The following NREP variants were observed in gnomAD, a reference collection of about 807,000 sequenced individuals.
NREP encodes neuronal regeneration related protein.
A neutral mutation model predicts 8.6 loss-of-function variants in NREP; 5 were observed. The observed-to-expected ratio is 0.58, with a 90% confidence interval of 0.30 to 1.22. The LOEUF is 1.22. Among genes scored for constraint, NREP ranks in the 50% most tolerant of loss-of-function variants. The pLI is 0.07. For synonymous variants in NREP, 27 were observed against 28.0 expected (o/e 0.96, Z 0.11); for missense variants, 86 against 82.5 (o/e 1.04, Z -0.17).
intron 2 of NREP, among the ~76,000 whole-genome samples, chr5:111,782,238 C>A (rs1392677980): frequency 6.6e-6 from 1 of 152,144 alleles, no homozygotes. Flanking sequence ...CCACATGTTC[C>A]TGGAATATCC....
At chr5:111,809,621 T>C (rs1422594654) in intron 2 of NREP, among the ~76,000 whole-genome samples, 2 of 152,156 alleles carry the variant, frequency 1.3e-5, no homozygotes, top group African/African-American at 2.4e-5. Context: ...TCTTCTCATG[T>C]ATCCACTTCC....
chr5:111,770,086 G>A (rs1192552726), intron 2 of NREP, among the ~76,000 whole-genome samples: 1 of 152,172 alleles, frequency 6.6e-6, no homozygotes, highest in African/African-American at 2.4e-5. Context: ...TATAAGATCA[G>A]AAAATTAGAC....
chr5:111,810,804 A>G (rs1415157066), intron 2 of NREP, among the ~76,000 whole-genome samples: 1 of 152,222 alleles, frequency 6.6e-6, no homozygotes, highest in Non-Finnish European at 1.5e-5. Context: ...TTTGGGGGGT[A>G]CAAAATAGTT....
At chr5:111,867,051 C>T (rs1314528016) in intron 2 of NREP, among the ~76,000 whole-genome samples, 4 of 151,356 alleles carry the variant, frequency 2.6e-5, no homozygotes, top group East Asian at 3.9e-4. Flanking sequence ...TGTTAAATGA[C>T]GAGTTACTGG....
chr5:111,832,274 T>G (rs1752787401), intron 2 of NREP, among the ~76,000 whole-genome samples: 1 of 151,984 alleles, frequency 6.6e-6, no homozygotes, highest in South Asian at 2.1e-4. Context: ...TCCTAGCACT[T>G]TGGGAGGCCG....
chr5:111,869,700 G>C (rs536601311), intron 2 of NREP, among the ~76,000 whole-genome samples: 61 of 152,194 alleles, frequency 4.0e-4, no homozygotes, highest in African/African-American at 1.5e-3. Context: ...TGCTTGGAAG[G>C]GATATATTTT....
At chr5:111,799,115 C>T (rs1751942320) in intron 2 of NREP, among the ~76,000 whole-genome samples, 1 of 152,132 alleles carries the variant, frequency 6.6e-6, no homozygotes, top group South Asian at 2.1e-4. Flanking sequence ...CTATTCTGTT[C>T]CATTGGTCTA....
intron 2 of NREP, among the ~76,000 whole-genome samples, chr5:111,755,175 T>C (rs1183954123): frequency 1.3e-5 from 2 of 152,230 alleles, no homozygotes; most frequent in Non-Finnish European, 2.9e-5. Flanking sequence ...TTGTCAGAAA[T>C]AGTTATACTT....
intron 2 of NREP, among the ~76,000 whole-genome samples, chr5:111,970,836 A>AAAG (rs1756794906): frequency 6.6e-6 from 1 of 150,852 alleles, no homozygotes; most frequent in African/African-American, 2.4e-5. Flanking sequence ...AAAAAAAAAA[A>AAAG]AAAAAAAAAA....
At chr5:111,902,141 C>T (rs1246797049) in intron 2 of NREP, among the ~76,000 whole-genome samples, 1 of 151,970 alleles carries the variant, frequency 6.6e-6, no homozygotes, top group Non-Finnish European at 1.5e-5. Context: ...AGAAATTAAT[C>T]TATATATTTT....
chr5:111,756,320 CGGCGGGGGG>C, intron 1 of NREP: 1 of 30,650 alleles, frequency 3.3e-5, no homozygotes, highest in Non-Finnish European at 5.9e-5. Context: ...AAACCCTACA[CGGCGGGGGG>C]GGTGGGGGGA....
At chr5:111,800,185 C>G (rs576884944) in intron 2 of NREP, among the ~76,000 whole-genome samples, 2 of 152,102 alleles carry the variant, frequency 1.3e-5, no homozygotes, top group East Asian at 3.9e-4. Context: ...GCCTCGGCCT[C>G]CCAAAGTGTT....
At chr5:111,880,959 T>G (rs1436411420) in intron 2 of NREP, among the ~76,000 whole-genome samples, 1 of 151,898 alleles carries the variant, frequency 6.6e-6, no homozygotes, top group East Asian at 1.9e-4. Flanking sequence ...CACTAGGGAG[T>G]GCCAGACAGT....
At chr5:111,883,854 G>T (rs1754155132) in intron 2 of NREP, among the ~76,000 whole-genome samples, 1 of 151,976 alleles carries the variant, frequency 6.6e-6, no homozygotes, top group African/African-American at 2.4e-5. Flanking sequence ...AGCACTAAAT[G>T]CCCACAAGAG....
chr5:111,796,644 T>G (rs1751878649), intron 2 of NREP, among the ~76,000 whole-genome samples: 1 of 151,940 alleles, frequency 6.6e-6, no homozygotes, highest in South Asian at 2.1e-4. Flanking sequence ...CCTACAACAG[T>G]ATCATAGTCT....
At chr5:111,877,958 T>C (rs567287659) in intron 2 of NREP, among the ~76,000 whole-genome samples, 2 of 152,286 alleles carry the variant, frequency 1.3e-5, no homozygotes, top group East Asian at 1.9e-4. Context: ...GGACATGCCT[T>C]AGGCATCCAC....
chr5:111,958,349 CAAATG>C (rs745893723), intron 2 of NREP, among the ~76,000 whole-genome samples: 1 of 151,414 alleles, frequency 6.6e-6, no homozygotes, highest in African/African-American at 2.4e-5. Flanking sequence ...ATAAGAGAAA[CAAATG>C]AGATATAAAG....
intron 2 of NREP, among the ~76,000 whole-genome samples, chr5:111,748,686 A>G (rs544916906): frequency 6.6e-6 from 1 of 152,162 alleles, no homozygotes; most frequent in Non-Finnish European, 1.5e-5. Flanking sequence ...CTACAATTTC[A>G]TTACTGAAAG....
chr5:111,768,736 AC>A (rs771096592), intron 2 of NREP, among the ~76,000 whole-genome samples: 1 of 152,060 alleles, frequency 6.6e-6, no homozygotes, highest in Non-Finnish European at 1.5e-5. Flanking sequence ...GTTTATATGT[AC>A]CATGTTTTCT....
Sources: allele counts gnomAD v4.1 joint callset (sites outside exome capture counted in the v4.1 genomes callset), GRCh38; gene constraint gnomAD v4.1.1; transcripts MANE v1.5; gene names NCBI Gene and HGNC (gene_info 2026-07-23, HGNC 2026-07-21).